The following INTS1 variants were observed in gnomAD, a reference collection of about 807,000 sequenced individuals.
INTS1 encodes integrator complex subunit 1.
In INTS1, 137 loss-of-function variants were observed where a neutral mutation model predicts 241.6. The observed-to-expected ratio is 0.57, with a 90% CI of 0.49 to 0.65. INTS1 has a LOEUF of 0.65. Ranked by LOEUF, INTS1 falls within the 30% of genes least tolerant of loss-of-function variation. INTS1 has a pLI of 0.00. For missense variants in INTS1, 3,073 were observed against 3,032.2 expected (o/e 1.01, Z -0.32); for synonymous variants, 1,692 against 1,337.8 (o/e 1.26, Z -5.78).
intron 31 of INTS1, among the ~76,000 whole-genome samples, 186 bp from the exon 32 acceptor site, chr7:1,479,071 C>G (rs1458485543): frequency 6.6e-6 from 1 of 152,226 alleles, no homozygotes; most frequent in Non-Finnish European, 1.5e-5. Flanking sequence ...GACGACCTCA[C>G]AGAGACCCTT....
At chr7:1,492,892 C>A (rs1361775885) in intron 16 of INTS1, 118 bp downstream of exon 16, 2 of 524,762 alleles carry the variant, frequency 3.8e-6, no homozygotes, top group Non-Finnish European at 6.4e-6. Context: ...GAGTGGGGAG[C>A]GGGGCGCAGG....
chr7:1,499,890 A>G lies in INTS1; in HGVS notation c.678T>C (p.Phe226=), dbSNP rs1471573707. Residue 226 remains phenylalanine (F), a synonymous_variant, in exon 5 of 48, where the codon TTT becomes TTC. Transcript: ENST00000404767. ...CCCGGGAGAGGACGCTCACCTTGAC[A>G]AAGATCTCGGGCCAGTTCTCGTCCT... ...YEEDENWPEI[F]VKVYIEDSLG... The G allele has an allele frequency of 6.2e-7, 1 of 1,612,362 alleles. No homozygotes were observed. Among genetic ancestry groups the G allele is most frequent in the Non-Finnish European group, 8.5e-7 (1 of 1,178,942 alleles).
intron 39 of INTS1, among the ~76,000 whole-genome samples, chr7:1,475,543 A>G (rs1159440125): frequency 6.6e-6 from 1 of 152,150 alleles, no homozygotes; most frequent in East Asian, 1.9e-4. Flanking sequence ...GGAAGCGGGT[A>G]CGGGAGGCCC....
chr7:1,484,152 C>T lies in INTS1; in HGVS notation c.3280G>A (p.Val1094Met), dbSNP rs1312993814. ...DLALDVARLV[V>M]ERSTIMSHLF... ...TGGGACATGATGGTGGAGCGCTCCA[C>T]GACCAGCCGGGCCACGTCCTGGTGT... Residue 1094 changes from valine to methionine, a missense_variant, in exon 25 of 48, where the codon GTG becomes ATG. Physicochemically the swap from Val to Met is conservative, Grantham distance 21. Transcript: ENST00000404767. The T allele has an allele frequency of 5.0e-6, 8 of 1,610,780 alleles. No homozygotes were observed. The highest frequency in any genetic ancestry group is 1.3e-5 in the African/African-American group (1 of 74,908).
chr7:1,476,641 A>C lies in INTS1; in HGVS notation c.5080T>G (p.Ser1694Ala). 1 of 1,612,678 alleles carries C rather than the reference A, an allele frequency of 6.2e-7. No individual in the cohort carries two copies. The highest frequency in any genetic ancestry group is 8.5e-7 in the Non-Finnish European group (1 of 1,179,882). Reference protein sequence around the residue: ...SREQRFDPSASLDFLWACIHV... With the variant: ...SREQRFDPSAALDFLWACIHV... ...ATGCAGGCCCAGAGGAAGTCCAGAG[A>C]GGCAGAGGGGTCGAACCTGTGGGGA... Residue 1694 changes from serine (S) to alanine (A), a missense_variant, in exon 37 of 48, where the codon TCT (serine) becomes GCT (alanine). Ser to Ala is a moderately conservative substitution (Grantham distance 99). Transcript: ENST00000404767.
chr7:1,471,755 T>C, intron 44 of INTS1, 114 bp from the exon 45 acceptor site: 1 of 960,012 alleles, frequency 1.0e-6, no homozygotes, highest in Non-Finnish European at 1.6e-6. Context: ...CAGAAAGCAC[T>C]GGAAAGCATG....
chr7:1,498,375 C>A, intron 10 of INTS1, 37 bp downstream of exon 10: 1 of 1,610,500 alleles, frequency 6.2e-7, no homozygotes, highest in African/African-American at 1.3e-5. Context: ...GCCCCATATT[C>A]CGGCGTGGAG....
At position 1,489,666 on chromosome 7, in the gene INTS1, G is replaced by A; in HGVS notation, c.2182C>T (p.Leu728Phe). 6.4e-7 allele frequency: 1 copy of A among 1,562,584 alleles called. No individual in the cohort carries two copies. Among genetic ancestry groups the A allele is most frequent in the African/African-American group, 1.4e-5 (1 of 73,628 alleles). The change falls in exon 17 of 48, where the codon CTC becomes TTC. Residue 728 changes from leucine to phenylalanine, a missense_variant. Physicochemically the swap from Leu to Phe is conservative, Grantham distance 22. Transcript: ENST00000404767. ...QLPPGYQPPN[L>F]AISTLYWKAW... ...TTCCAGTAGAGGGTAGAGATGGCGA[G>A]GTTCGGAGGCTGGTACCTGGAAGGC...
Position 1,481,140 on chromosome 7 carries a change from G to A in INTS1, c.3850+202C>T. 2.7e-6 allele frequency: 2 copies of A among 736,558 alleles called. No individual in the cohort carries two copies. Among genetic ancestry groups the A allele is most frequent in the Non-Finnish European group, 4.6e-6 (2 of 432,354 alleles). The allele number at this position is 736,558 out of a possible 1,614,324, so 45.6% of individuals were successfully genotyped here. On this transcript the variant is annotated intron_variant, in intron 28 of 47. Transcript: ENST00000404767. This position sits in a 1 kb window ranked among gnomAD's most constrained non-coding sequence, Gnocchi z 6.8. ...CGGCCCTAGGGGGTGCCTGGCCCCA[G>A]GGTTGGGGCAGGCCCAGGCCTCGGC...
intron 18 of INTS1, among the ~76,000 whole-genome samples, chr7:1,488,182 C>T (rs1001272631): frequency 5.3e-5 from 8 of 152,296 alleles, no homozygotes; most frequent in Middle Eastern, 3.4e-3. Context: ...CCTCGTCCTC[C>T]GCAGGCAGCA....
Position 1,499,507 on chromosome 7 carries a change from C to T in INTS1, c.810G>A (p.Gly270=). The T allele has an allele frequency of 6.2e-7, 1 of 1,610,938 alleles. No individual in the cohort carries two copies. The highest frequency in any genetic ancestry group is 2.2e-5 in the East Asian group (1 of 44,768). Residue 270 remains glycine, a synonymous_variant, in exon 6 of 48, where the codon GGG becomes GGA. Coordinates refer to ENST00000404767, the MANE Select transcript of INTS1 (RefSeq NM_001080453.3). ...RMPPRSVLLQ[G]EAGRVAGDLG... is the part of the protein sequence containing the mutation. ...GGTCGCCCGCAACGCGGCCCGCCTCCCCCTGCAGCAGCACGCTCCTGGGGG... is the reference window on the plus strand; with the variant it reads ...GGTCGCCCGCAACGCGGCCCGCCTCTCCCTGCAGCAGCACGCTCCTGGGGG...
chr7:1,471,589 C>T lies in INTS1; in HGVS notation c.6237G>A (p.Glu2079=). 1 of 1,612,438 alleles carries T rather than the reference C, an allele frequency of 6.2e-7. No individual in the cohort carries two copies. The highest frequency in any genetic ancestry group is 8.5e-7 in the Non-Finnish European group (1 of 1,179,800). Reference sequence around the variant, plus strand: ...AGCTCACCGAGAAGAAGCTCAGGATCTCGGGTCTCCGCCGGGACATCTCGT... The same window carrying T: ...AGCTCACCGAGAAGAAGCTCAGGATTTCGGGTCTCCGCCGGGACATCTCGT... ...DIDEMSRRRP[E]ILSFFSTNLQ... The change falls in exon 45 of 48, where the codon GAG becomes GAA. Residue 2079 remains glutamate, a synonymous_variant. Transcript: ENST00000404767.
In INTS1 at chr7:1,471,619, G is replaced by A. The variant is rs768430161; in HGVS notation, c.6207C>T (p.Asp2069=). The change falls in exon 45 of 48, where the codon GAC becomes GAT. Residue 2069 remains aspartate (D), a synonymous_variant. Transcript: ENST00000404767. The part of the protein sequence containing the change: ...TVEDLLEVLS[D]IDEMSRRRPE... ...GTCTCCGCCGGGACATCTCGTCTAT[G>A]TCACTCAGAACCTCCAGCAGATCTG... 6.2e-7 allele frequency: 1 copy of A among 1,612,390 alleles called. No individual in the cohort carries two copies. Among genetic ancestry groups the A allele is most frequent in the Non-Finnish European group, 8.5e-7 (1 of 1,179,790 alleles).
At chr7:1,477,128 C>T (rs1238971225) in intron 35 of INTS1, among the ~76,000 whole-genome samples, 1 of 152,228 alleles carries the variant, frequency 6.6e-6, no homozygotes, top group Admixed American at 6.5e-5. Context: ...TGCCACACAG[C>T]GGAGGTGCCC....
intron 14 of INTS1, 37 bp downstream of exon 14, chr7:1,494,779 C>T: frequency 6.5e-7 from 1 of 1,544,388 alleles, no homozygotes; most frequent in Non-Finnish European, 8.7e-7. Context: ...CCCCGCCCAG[C>T]CCGGCACACA....
In INTS1 at chr7:1,482,685, C is replaced by G; in HGVS notation, c.3564G>C (p.Ala1188=). The change falls in exon 27 of 48, where the codon GCG becomes GCC. Residue 1188 remains alanine, a synonymous_variant. Coordinates refer to ENST00000404767, the MANE Select transcript of INTS1 (RefSeq NM_001080453.3). ...CCTCCGGAAACCAGATGTCCAGCAGCGCCTGGAACTCGCTGTCGTCGGCTT... is the reference window on the plus strand; with the variant it reads ...CCTCCGGAAACCAGATGTCCAGCAGGGCCTGGAACTCGCTGTCGTCGGCTT... The part of the protein sequence containing the change: ...PPRADDSEFQ[A]LLDIWFPEEK... 1 of 1,612,694 alleles carries G rather than the reference C, an allele frequency of 6.2e-7. No individual in the cohort carries two copies. The highest frequency in any genetic ancestry group is 1.1e-5 in the South Asian group (1 of 91,080).
chr7:1,493,009 C>A lies in INTS1; in HGVS notation c.2165+1G>T, dbSNP rs1230774362. 1.2e-6 allele frequency: 2 copies of A among 1,611,070 alleles called. No homozygotes were observed. The highest frequency in any genetic ancestry group is 1.1e-5 in the South Asian group (1 of 91,008). On this transcript the variant is annotated splice_donor_variant, in intron 16 of 47. Transcript: ENST00000404767. LOFTEE classifies it high-confidence loss of function. This position sits in a 1 kb window ranked among gnomAD's most constrained non-coding sequence, Gnocchi z 5.3. ...GAGTGGGGAGCGGGGCGTGGGCTTA[C>A]CCCGGTGGGAGCTGGATGTTTTCAG...
rs747018310 is a variant in INTS1 at position 1,499,614 on chromosome 7, G to T, written c.703C>A (p.Leu235Met). ...IFVKVYIEDSLGERIWVDSPH... is the reference protein window; with the variant it reads ...IFVKVYIEDSMGERIWVDSPH... ...CTGTCCACCCAGATCCGCTCCCCCA[G>T]GGAGTCCTCGATGTACACCTGTGTG... Residue 235 changes from leucine to methionine, a missense_variant, in exon 6 of 48, where the codon CTG (leucine) becomes ATG (methionine). Coordinates refer to ENST00000404767, the MANE Select transcript of INTS1 (RefSeq NM_001080453.3). 6 of 1,611,442 alleles carry T rather than the reference G, an allele frequency of 3.7e-6. No individual in the cohort carries two copies. The South Asian group carries it at 6.6e-5, about 18-fold the overall frequency.
intron 12 of INTS1, 145 bp downstream of exon 12, chr7:1,496,011 C>T: frequency 1.5e-6 from 1 of 646,874 alleles, no homozygotes; most frequent in Non-Finnish European, 2.8e-6. Context: ...ACGGCAGCTT[C>T]CAGGCTCCGT....
Sources: gnomAD v4.1 joint callset for allele counts (sites outside exome capture counted in the v4.1 genomes callset) on GRCh38, gnomAD v4.1.1 for gene constraint, Gnocchi (gnomAD v3.1) non-coding constraint, MANE v1.5 for transcripts, NCBI Gene and HGNC (gene_info 2026-07-23, HGNC 2026-07-21) for gene names.